Variants in ZFYVE9 observed in about 807,000 individuals in gnomAD.
ZFYVE9 encodes zinc finger FYVE-type containing 9.
ZFYVE9 carries 43 observed loss-of-function variants against 126.7 expected under a neutral mutation model. That is an observed-to-expected ratio of 0.34 (90% confidence interval 0.27 to 0.44). The LOEUF (loss-of-function observed/expected upper bound fraction) is 0.44, where lower values mean the gene tolerates loss of function less well. Ranked by LOEUF, ZFYVE9 falls within the 20% of genes least tolerant of loss-of-function variation. ZFYVE9 has a pLI of 1.00. For synonymous variants in ZFYVE9, 521 were observed against 597.4 expected (o/e 0.87, Z 1.87); for missense variants, 1,476 against 1,697.0 (o/e 0.87, Z 2.29).
In ZFYVE9 at chr1:52,344,795, C is replaced by T. The variant is rs753782438; in HGVS notation, c.3967C>T (p.His1323Tyr). 1.1e-5 allele frequency: 18 copies of T among 1,613,950 alleles called. No homozygotes were observed. Among genetic ancestry groups the T allele is most frequent in the Non-Finnish European group, 1.5e-5 (18 of 1,179,986 alleles). Residue 1323 changes from histidine to tyrosine, a missense_variant, in exon 18 of 19, where the codon CAC becomes TAC. His to Tyr is a moderately conservative substitution (Grantham distance 83). Coordinates refer to ENST00000287727, the MANE Select transcript of ZFYVE9 (RefSeq NM_004799.4). ...GTTTTTCCTAGAAAACGATGACCAG[C>T]ACAATTGCCTCAGTGATCCTGCAGA... ...EVFFLENDDQ[H>Y]NCLSDPADHS...
intron 1 of ZFYVE9, among the ~76,000 whole-genome samples, chr1:52,159,332 G>T (rs1165288703): frequency 6.6e-6 from 1 of 152,068 alleles, no homozygotes; most frequent in African/African-American, 2.4e-5. Flanking sequence ...GTCAATTTCT[G>T]GTACCAGCTG....
intron 14 of ZFYVE9, among the ~76,000 whole-genome samples, chr1:52,334,101 A>AG: frequency 6.6e-6 from 1 of 152,264 alleles, no homozygotes; most frequent in East Asian, 1.9e-4. Flanking sequence ...TCAAAAAAAA[A>AG]AAAAAAAACT....
chr1:52,330,001 G>A (rs544014731), intron 13 of ZFYVE9, among the ~76,000 whole-genome samples: 1 of 150,720 alleles, frequency 6.6e-6, no homozygotes, highest in East Asian at 2.0e-4. Flanking sequence ...AGGATAAGGT[G>A]GGAGGATCAG....
At chr1:52,177,043 G>A (rs956124074) in intron 1 of ZFYVE9, among the ~76,000 whole-genome samples, 6 of 152,196 alleles carry the variant, frequency 3.9e-5, no homozygotes, top group African/African-American at 9.6e-5. Context: ...AGATGAACCC[G>A]GTACCTCAGA....
At chr1:52,269,700 A>G (rs1645669913) in intron 7 of ZFYVE9, among the ~76,000 whole-genome samples, 1 of 152,070 alleles carries the variant, frequency 6.6e-6, no homozygotes, top group Non-Finnish European at 1.5e-5. Context: ...GACAGCCAGA[A>G]CTGTGTCTTA....
intron 1 of ZFYVE9, among the ~76,000 whole-genome samples, chr1:52,157,248 G>T (rs12030769): frequency 0.054 from 8,174 of 152,058 alleles, 602 homozygotes; most frequent in African/African-American, 0.15. Context: ...TCAGGTCCAG[G>T]AACTGGGAAA....
In ZFYVE9 at chr1:52,303,837, A is replaced by G. The variant is rs775171519; in HGVS notation, c.3350A>G (p.Gln1117Arg). 6 of 1,587,364 alleles carry G rather than the reference A, an allele frequency of 3.8e-6. No individual in the cohort carries two copies. The South Asian group carries it at 5.8e-5, about 15-fold the overall frequency. Residue 1117 changes from glutamine (Q) to arginine (R), a missense_variant, in exon 13 of 19, where the codon CAG (glutamine) becomes CGG (arginine). Around this residue, in one of 2 missense-constraint regions of ZFYVE9, gnomAD observed 669 missense variants for 902.4 expected, o/e 0.74. Coordinates refer to ENST00000287727, the MANE Select transcript of ZFYVE9 (RefSeq NM_004799.4). ...TTGGCCCAGGACTTCAGAAATTACC[A>G]GTATACCTTGCCAGTAGTTCAAGGT... ...MNLLADFRNY[Q>R]YTLPVVQGLV... is the part of the protein sequence containing the mutation.
intron 10 of ZFYVE9, among the ~76,000 whole-genome samples, chr1:52,291,004 TG>T (rs954426201): frequency 3.3e-5 from 5 of 152,184 alleles, no homozygotes; most frequent in Non-Finnish European, 5.9e-5. Flanking sequence ...CCCATATCTC[TG>T]GGACTCCAAA....
At chr1:52,235,868 C>T (rs1233503597) in intron 3 of ZFYVE9, among the ~76,000 whole-genome samples, 1 of 152,110 alleles carries the variant, frequency 6.6e-6, no homozygotes, top group Admixed American at 6.6e-5. Context: ...TCTACTCCTA[C>T]ATAATAGTTT....
intron 1 of ZFYVE9, among the ~76,000 whole-genome samples, chr1:52,191,084 G>GCAT (rs1644812622): frequency 6.6e-6 from 1 of 151,954 alleles, no homozygotes; most frequent in African/African-American, 2.4e-5. Context: ...GACTATAAAT[G>GCAT]CATGCCACCA....
At chr1:52,216,525 A>G (rs1320202984) in intron 2 of ZFYVE9, 51 bp downstream of exon 2, 1 of 398,178 alleles carries the variant, frequency 2.5e-6, no homozygotes, top group East Asian at 3.6e-5. Context: ...GAAACCAATG[A>G]GATCTATAGA....
chr1:52,230,869 A>G (rs1433147144), intron 2 of ZFYVE9, among the ~76,000 whole-genome samples: 1 of 152,210 alleles, frequency 6.6e-6, no homozygotes, highest in African/African-American at 2.4e-5. Flanking sequence ...TGTTATTAAA[A>G]TCATTTATTA....
At chr1:52,242,844 G>GA (rs1272770167) in intron 4 of ZFYVE9, among the ~76,000 whole-genome samples, 1 of 152,078 alleles carries the variant, frequency 6.6e-6, no homozygotes, top group Non-Finnish European at 1.5e-5. Flanking sequence ...CATCTGGCAT[G>GA]AAAAAAACAG....
intron 1 of ZFYVE9, among the ~76,000 whole-genome samples, chr1:52,174,763 C>T (rs1474220144): frequency 6.6e-6 from 1 of 152,000 alleles, no homozygotes; most frequent in African/African-American, 2.4e-5. Flanking sequence ...ATGTAATGGC[C>T]TTCTTTGTCT....
intron 1 of ZFYVE9, among the ~76,000 whole-genome samples, chr1:52,166,233 A>T (rs954646108): frequency 6.6e-6 from 1 of 152,192 alleles, no homozygotes; most frequent in Non-Finnish European, 1.5e-5. Flanking sequence ...TGCTGCCTTG[A>T]TTATTGCTAA....
intron 6 of ZFYVE9, among the ~76,000 whole-genome samples, chr1:52,267,478 CATTT>C (rs1370187070): frequency 1.3e-5 from 2 of 152,064 alleles, no homozygotes; most frequent in African/African-American, 4.8e-5. Flanking sequence ...GTAAAAATAA[CATTT>C]ATTTCCTTAA....
In ZFYVE9 at chr1:52,332,843, C is replaced by T. The variant is rs753616493; in HGVS notation, c.3514C>T (p.His1172Tyr). The T allele has an allele frequency of 3.1e-6, 5 of 1,613,998 alleles. No homozygotes were observed. The highest frequency in any genetic ancestry group is 2.7e-5 in the African/African-American group (2 of 74,900). The change falls in exon 14 of 19, where the codon CAT becomes TAT. Residue 1172 changes from histidine (H) to tyrosine (Y), a missense_variant. His to Tyr is a moderately conservative substitution (Grantham distance 83). Transcript: ENST00000287727. ...GACFNEKADS[H>Y]LVCVQNDDGN... ...CTGCTTCAATGAAAAGGCAGACTCT[C>T]ATCTTGTGTGTGTACAGAATGATGA...
chr1:52,342,583 T>A (rs1487282682), intron 17 of ZFYVE9, among the ~76,000 whole-genome samples: 2 of 148,944 alleles, frequency 1.3e-5, no homozygotes, highest in African/African-American at 2.5e-5. Context: ...TCACCCAGGC[T>A]GGATTGCAAT....
chr1:52,325,286 C>T (rs1324097430), intron 13 of ZFYVE9, among the ~76,000 whole-genome samples: 1 of 152,150 alleles, frequency 6.6e-6, no homozygotes, highest in Admixed American at 6.5e-5. Context: ...CGAGACTGCA[C>T]CACTGCACTC....
Sources: gnomAD v4.1 joint callset for allele counts (sites outside exome capture counted in the v4.1 genomes callset) on GRCh38, gnomAD v4.1.1 for gene constraint, gnomAD v4.1.1 regional missense constraint, MANE v1.5 for transcripts, NCBI Gene and HGNC (gene_info 2026-07-23, HGNC 2026-07-21) for gene names.